The following NETO1 variants were observed in gnomAD, a reference collection of about 807,000 sequenced individuals.
NETO1 encodes the protein neuropilin and tolloid-like protein 1.
A neutral mutation model predicts 61.3 loss-of-function variants in NETO1; 26 were observed. The observed-to-expected ratio is 0.42, with a 90% confidence interval of 0.31 to 0.59. NETO1 has a LOEUF of 0.59. Ranked by LOEUF, NETO1 falls within the 20% of genes least tolerant of loss-of-function variation. The probability of loss-of-function intolerance (pLI) is 0.12; values close to 1 mark genes in which losing one functional copy is unlikely to be tolerated. For missense variants in NETO1, 531 were observed against 662.8 expected (o/e 0.80, Z 2.18); for synonymous variants, 225 against 225.8 (o/e 1.00, Z 0.03).
chr18:72,794,529 A>G lies in NETO1; in HGVS notation c.470-125T>C, dbSNP rs563054225. On this transcript the variant is annotated intron_variant, in intron 4 of 10. Transcript: ENST00000327305. ...AAAACACATTAGGGAAAAGTAAAAAACACATTAGGGAAAAGTAAATGATTA... is the reference window on the plus strand; with the variant it reads ...AAAACACATTAGGGAAAAGTAAAAAGCACATTAGGGAAAAGTAAATGATTA... The G allele has an allele frequency of 4.2e-4, 355 of 847,000 alleles. 1 individual carries two copies. In the African/African-American group the frequency reaches 5.6e-3, roughly 13 times the overall value. 52.5% of individuals were successfully genotyped at this position (847,000 alleles called of 1,614,324 possible).
intron 4 of NETO1, chr18:72,835,122 T>A (rs759970671): frequency 1.9e-5 from 23 of 1,210,114 alleles, no homozygotes; most frequent in Non-Finnish European, 2.3e-5. Context: ...TCCGAATATG[T>A]GGCAAACTTT....
chr18:72,750,040 C>A (rs373168240), intron 9 of NETO1, 22 bp downstream of exon 9: 28 of 1,512,740 alleles, frequency 1.9e-5, no homozygotes, highest in African/African-American at 1.3e-4. Flanking sequence ...TAGTTGTCAT[C>A]AAAAAATCTA....
chr18:72,842,132 G>A (rs1222753834), intron 4 of NETO1, among the ~76,000 whole-genome samples: 2 of 152,110 alleles, frequency 1.3e-5, no homozygotes, highest in Non-Finnish European at 2.9e-5. Flanking sequence ...TTGTTTTAAG[G>A]TATGCAAAAA....
intron 4 of NETO1, among the ~76,000 whole-genome samples, chr18:72,812,172 G>T (rs534133697): frequency 2.0e-5 from 3 of 152,318 alleles, no homozygotes; most frequent in African/African-American, 7.2e-5. Flanking sequence ...CTCATTGAAG[G>T]CAGGAGAAAA....
Position 72,747,982 on chromosome 18 carries a change from A to G in NETO1, c.*197T>C. On this transcript the variant is annotated 3_prime_UTR_variant, in exon 11 of 11. Coordinates refer to ENST00000327305, the MANE Select transcript of NETO1 (RefSeq NM_138966.5). ...ACTAAGGAGCACTTGGTGGCCAGCA[A>G]CCAAATTACGAAATGAACATATCAG... 1.1e-5 allele frequency: 3 copies of G among 272,766 alleles called. No homozygotes were observed. Among genetic ancestry groups the G allele is most frequent in the Non-Finnish European group, 1.7e-5 (3 of 178,096 alleles). 16.9% of individuals were successfully genotyped at this position (272,766 alleles called of 1,614,324 possible).
chr18:72,750,872 T>TAC (rs142668353), intron 8 of NETO1, among the ~76,000 whole-genome samples: 5,054 of 118,644 alleles, frequency 0.043, 172 homozygotes, highest in African/African-American at 0.086. Context: ...CAGCTTAAAA[T>TAC]ACACACACAC....
At chr18:72,818,039 G>T (rs1026537524) in intron 4 of NETO1, among the ~76,000 whole-genome samples, 13 of 152,168 alleles carry the variant, frequency 8.5e-5, no homozygotes, top group Non-Finnish European at 1.8e-4. Flanking sequence ...TCTTGCACAT[G>T]AAATCATCCA....
chr18:72,822,798 T>C (rs2073242918), intron 4 of NETO1, among the ~76,000 whole-genome samples: 1 of 152,102 alleles, frequency 6.6e-6, no homozygotes, highest in African/African-American at 2.4e-5. Flanking sequence ...TAATCATATT[T>C]CCCCCACAAG....
chr18:72,757,367 T>C (rs2145112894), intron 7 of NETO1, among the ~76,000 whole-genome samples: 1 of 151,274 alleles, frequency 6.6e-6, no homozygotes, highest in Middle Eastern at 3.4e-3. Context: ...TTAAGGCAAC[T>C]TACTGTATTT....
chr18:72,835,399 C>A, intron 4 of NETO1: 1 of 1,244,672 alleles, frequency 8.0e-7, no homozygotes, highest in East Asian at 2.5e-5. Context: ...TCCACTTTAA[C>A]AGCTGTTTGG....
At chr18:72,855,117 T>C (rs889551465) in intron 4 of NETO1, among the ~76,000 whole-genome samples, 2 of 152,236 alleles carry the variant, frequency 1.3e-5, no homozygotes, top group African/African-American at 2.4e-5. Context: ...AGTTATCAAA[T>C]ATTCCATGGC....
intron 4 of NETO1, among the ~76,000 whole-genome samples, chr18:72,817,682 T>G (rs948594327): frequency 1.3e-5 from 2 of 152,228 alleles, no homozygotes; most frequent in Non-Finnish European, 2.9e-5. Flanking sequence ...AGTGACTCAT[T>G]TCTAACAAAT....
intron 1 of NETO1, chr18:72,865,650 A>T: frequency 6.3e-7 from 1 of 1,579,302 alleles, no homozygotes; most frequent in East Asian, 2.3e-5. Flanking sequence ...GGAGAGGCAA[A>T]CAATGAGAAC....
At chr18:72,781,631 T>A (rs1463887935) in intron 7 of NETO1, among the ~76,000 whole-genome samples, 2 of 152,136 alleles carry the variant, frequency 1.3e-5, no homozygotes, top group Non-Finnish European at 2.9e-5. Context: ...CCCAACTGGG[T>A]AATTAAAAGG....
intron 4 of NETO1, among the ~76,000 whole-genome samples, chr18:72,849,305 C>A (rs550494352): frequency 6.6e-6 from 1 of 152,180 alleles, no homozygotes; most frequent in South Asian, 2.1e-4. Context: ...ACAGATATAC[C>A]CTTTCCGTCG....
At chr18:72,833,215 G>C (rs2073637442) in intron 4 of NETO1, among the ~76,000 whole-genome samples, 1 of 152,130 alleles carries the variant, frequency 6.6e-6, no homozygotes, top group African/African-American at 2.4e-5. Flanking sequence ...CCCAAAATAT[G>C]AATCTACCGT....
At chr18:72,768,347 T>C (rs989755500) in intron 7 of NETO1, among the ~76,000 whole-genome samples, 2 of 152,228 alleles carry the variant, frequency 1.3e-5, no homozygotes, top group African/African-American at 4.8e-5. Context: ...TGTTAAGATG[T>C]ATCTTTATCA....
intron 7 of NETO1, among the ~76,000 whole-genome samples, chr18:72,770,709 C>T (rs924755496): frequency 2.6e-5 from 4 of 152,062 alleles, no homozygotes; most frequent in African/African-American, 9.7e-5. Flanking sequence ...CTGCTTTCTC[C>T]AGTACATAAC....
intron 7 of NETO1, among the ~76,000 whole-genome samples, chr18:72,770,982 A>T (rs968684881): frequency 1.3e-5 from 2 of 152,200 alleles, no homozygotes; most frequent in Non-Finnish European, 2.9e-5. Flanking sequence ...ATCTGAAAGA[A>T]GTTAAAAAGG....
Sources: allele counts gnomAD v4.1 joint callset (sites outside exome capture counted in the v4.1 genomes callset), GRCh38; gene constraint gnomAD v4.1.1; transcripts MANE v1.5; gene names NCBI Gene and HGNC (gene_info 2026-07-23, HGNC 2026-07-21).